PCDH11X: variants seen among roughly 807,000 people sequenced by gnomAD.
PCDH11X encodes protocadherin-11 X-linked.
PCDH11X carries 18 observed loss-of-function variants against 53.3 expected under a neutral mutation model. That is an observed-to-expected ratio of 0.34 (90% CI 0.23 to 0.50). The LOEUF (loss-of-function observed/expected upper bound fraction) is 0.50. Among genes scored for constraint, PCDH11X ranks in the 20% least tolerant of loss-of-function variants. The pLI, the probability that PCDH11X is intolerant of heterozygous loss-of-function variation, is 0.98. For synonymous variants in PCDH11X, 279 were observed against 393.3 expected, an observed-to-expected ratio of 0.71 and a Z score of 3.44; for missense variants, 570 against 1,032.4, an observed-to-expected ratio of 0.55 and a Z score of 6.14.
intron 9 of PCDH11X, among the ~76,000 whole-genome samples, chrX:92,446,597 T>C (rs184500506): frequency 1.8e-5 from 2 of 111,753 alleles, no homozygotes; most frequent in East Asian, 5.7e-4. Context: ...TCTACCATAA[T>C]TGTGAGGCCT....
chrX:92,403,951 A>G (rs2071453913), intron 9 of PCDH11X, among the ~76,000 whole-genome samples: 1 of 110,828 alleles, frequency 9.0e-6, no homozygotes, highest in South Asian at 3.9e-4. Flanking sequence ...AGATGGTTGG[A>G]ATGAGTTCTG....
intron 10 of PCDH11X, among the ~76,000 whole-genome samples, chrX:92,522,030 T>G (rs1221689134): frequency 8.9e-6 from 1 of 112,123 alleles, no homozygotes; most frequent in Non-Finnish European, 1.9e-5. Context: ...AGTAAAGCTG[T>G]TTTGCTTTTT....
At position 92,180,416 on chromosome X, in the gene PCDH11X, T is replaced by C. The variant is rs2065976506; in HGVS notation, c.3034-20959T>C. Among the ~76,000 whole-genome samples, 3 of 111,358 alleles carry C rather than the reference T, an allele frequency of 2.7e-5. No homozygotes were observed. The South Asian group carries it at 1.2e-3, about 43-fold the overall frequency. On this transcript the variant is annotated intron_variant, in intron 6 of 10. Transcript: ENST00000682573. ...TTCGTTTTTACTCTCCTTTACTGCA[T>C]CTTCCTCATCTTCCTAGCCTCTAAA... is the stretch of plus-strand genomic sequence containing the variant.
intron 7 of PCDH11X, among the ~76,000 whole-genome samples, chrX:92,252,193 G>T (rs371681): frequency 9.1e-6 from 1 of 109,703 alleles, no homozygotes; most frequent in Non-Finnish European, 1.9e-5. Flanking sequence ...ACAAAGTAAA[G>T]TGGGTCGTGG....
chrX:91,886,788 A>T (rs758127504), intron 6 of PCDH11X, among the ~76,000 whole-genome samples: 10 of 108,325 alleles, frequency 9.2e-5, no homozygotes, highest in South Asian at 4.0e-4. Context: ...TGGCTAACAC[A>T]GTGAAACCCC....
At chrX:92,408,055 T>G (rs1259516643) in intron 9 of PCDH11X, among the ~76,000 whole-genome samples, 1 of 110,338 alleles carries the variant, frequency 9.1e-6, no homozygotes, top group African/African-American at 3.3e-5. Context: ...AGGCTAATTT[T>G]TGTATTTTTA....
intron 10 of PCDH11X, among the ~76,000 whole-genome samples, chrX:92,555,398 A>G (rs2075030665): frequency 9.0e-6 from 1 of 111,617 alleles, no homozygotes; most frequent in African/African-American, 3.3e-5. Flanking sequence ...TATGATAGGG[A>G]GGTTATTTTT....
chrX:92,300,430 C>T (rs1415219098), intron 8 of PCDH11X, among the ~76,000 whole-genome samples: 1 of 110,998 alleles, frequency 9.0e-6, no homozygotes, highest in African/African-American at 3.3e-5. Flanking sequence ...CAATCCTTTC[C>T]TTCAAGAAGT....
intron 7 of PCDH11X, among the ~76,000 whole-genome samples, chrX:92,231,856 T>G (rs2067080615): frequency 8.9e-6 from 1 of 111,891 alleles, no homozygotes; most frequent in South Asian, 3.7e-4. Flanking sequence ...ATGAAATATC[T>G]CAGTCCGTAG....
At chrX:92,601,691 G>GA (rs1926250509) in intron 10 of PCDH11X, among the ~76,000 whole-genome samples, 1 of 110,746 alleles carries the variant, frequency 9.0e-6, no homozygotes, top group South Asian at 3.8e-4. Context: ...AGCAAATGGA[G>GA]AAGCACTTAT....
At chrX:91,970,593 C>G (rs914893824) in intron 6 of PCDH11X, among the ~76,000 whole-genome samples, 2 of 111,180 alleles carry the variant, frequency 1.8e-5, no homozygotes, top group African/African-American at 6.5e-5. Flanking sequence ...AGAAGCCCAG[C>G]CACTTCACCT....
At chrX:92,421,525 C>T (rs1325849660) in intron 9 of PCDH11X, among the ~76,000 whole-genome samples, 1 of 111,601 alleles carries the variant, frequency 9.0e-6, no homozygotes, top group East Asian at 2.8e-4. Context: ...TGGGCATTTA[C>T]GTTGGTTCCA....
chrX:92,040,077 A>C lies in PCDH11X; in HGVS notation c.3033+160804A>C, dbSNP rs758973285. Among the ~76,000 whole-genome samples, 218 of 107,196 alleles carry C rather than the reference A, an allele frequency of 2.0e-3. 1 individual carries two copies. Among genetic ancestry groups the C allele is most frequent in the Non-Finnish European group, 3.6e-3 (186 of 52,250 alleles). 93.1% of individuals were successfully genotyped at this position (107,196 alleles called of 115,157 possible). A position where few individuals can be genotyped will look rare whatever the true frequency, so the allele number is the denominator to read the frequency against. Reference sequence around the variant, plus strand: ...TGAGCTGGTATCCAAGATGCAAGGCAAAGTCCTCTTTACTCTTTGCTCTCC... The same window carrying C: ...TGAGCTGGTATCCAAGATGCAAGGCCAAGTCCTCTTTACTCTTTGCTCTCC... On this transcript the variant is annotated intron_variant, in intron 6 of 10. Transcript: ENST00000682573.
In PCDH11X at chrX:92,613,524, G is replaced by GTTT. The variant is rs200455058; in HGVS notation, c.3368-4735_3368-4733dup. 7.2e-3 allele frequency among the ~76,000 whole-genome samples: 594 copies of GTTT among 82,975 alleles called. 5 individuals carry two copies. Among genetic ancestry groups the GTTT allele is most frequent in the Middle Eastern group, 0.012 (2 of 164 alleles). 72.1% of individuals were successfully genotyped at this position (82,975 alleles called of 115,157 possible). Reference sequence around the variant, plus strand: ...GACGTTTTTCTCTAGTTGCCTTTAAGTTTTTTTGTTGTTGTTGTTGTTGTG... The same window carrying GTTT: ...GACGTTTTTCTCTAGTTGCCTTTAAGTTTTTTTTTTGTTGTTGTTGTTGTTGTG... On this transcript the variant is annotated intron_variant, in intron 10 of 10. Transcript: ENST00000682573.
At chrX:91,970,322 T>C in intron 6 of PCDH11X, among the ~76,000 whole-genome samples, 1 of 111,510 alleles carries the variant, frequency 9.0e-6, no homozygotes, top group African/African-American at 3.3e-5. Flanking sequence ...CCCACCCACA[T>C]CCTGCTGATT....
At chrX:92,023,551 A>G (rs2062923967) in intron 6 of PCDH11X, among the ~76,000 whole-genome samples, 1 of 110,241 alleles carries the variant, frequency 9.1e-6, no homozygotes, top group South Asian at 4.0e-4. Context: ...AAAGCCCAGG[A>G]CCAGATAAAT....
At chrX:92,516,536 T>C (rs746189948) in intron 10 of PCDH11X, among the ~76,000 whole-genome samples, 2 of 112,097 alleles carry the variant, frequency 1.8e-5, no homozygotes, top group South Asian at 7.3e-4. Context: ...AATTTTAATA[T>C]ACAACGCTGA....
rs187545585 is a variant in PCDH11X at position 92,186,585 on chromosome X, G to A, written c.3034-14790G>A. On this transcript the variant is annotated intron_variant, in intron 6 of 10. Coordinates refer to ENST00000682573, the MANE Select transcript of PCDH11X (RefSeq NM_032968.5). Reference sequence around the variant, plus strand: ...GGAGGTTGCGGTGAGCCGAGATTGCGCCATTGCACTCCAGCCTGGGCAACA... The same window carrying A: ...GGAGGTTGCGGTGAGCCGAGATTGCACCATTGCACTCCAGCCTGGGCAACA... Among the ~76,000 whole-genome samples, 722 of 95,368 alleles carry A rather than the reference G, an allele frequency of 7.6e-3. 9 individuals are homozygous for A. The highest frequency in any genetic ancestry group is 0.027 in the African/African-American group (686 of 25,069). The allele number at this position is 95,368 out of a possible 115,157, so 82.8% of individuals were successfully genotyped here. A position where few individuals can be genotyped will look rare whatever the true frequency, so the allele number is the denominator to read the frequency against.
chrX:91,986,983 C>CA (rs1456704925), intron 6 of PCDH11X, among the ~76,000 whole-genome samples: 2 of 109,919 alleles, frequency 1.8e-5, no homozygotes, highest in East Asian at 5.8e-4. Context: ...GCAATGTATT[C>CA]AATCCAATTC....
Sources: allele counts gnomAD v4.1 joint callset (sites outside exome capture counted in the v4.1 genomes callset), GRCh38; gene constraint gnomAD v4.1.1; transcripts MANE v1.5; gene names NCBI Gene and HGNC (gene_info 2026-07-23, HGNC 2026-07-21).